UNC80: variants seen among roughly 807,000 people sequenced by gnomAD.
UNC80 encodes the protein protein unc-80 homolog.
Under a neutral mutation model 384.6 loss-of-function variants are expected in UNC80, and 164 were observed. That is an observed-to-expected ratio of 0.43 (90% CI 0.38 to 0.49). The LOEUF (loss-of-function observed/expected upper bound fraction) is 0.49. UNC80 is among the 20% of genes least tolerant of loss of function. UNC80 has a pLI of 0.00. For missense variants in UNC80, 3,330 were observed against 4,143.0 expected (o/e 0.80, Z 5.39); for synonymous variants, 1,486 against 1,527.8 (o/e 0.97, Z 0.64).
At chr2:209,784,812 C>T (rs888034562) in intron 4 of UNC80, among the ~76,000 whole-genome samples, 6 of 152,136 alleles carry the variant, frequency 3.9e-5, no homozygotes, top group Non-Finnish European at 8.8e-5. Context: ...AGAATAAATG[C>T]AGAATGAATT....
chr2:209,858,526 A>G (rs552739969), intron 22 of UNC80, among the ~76,000 whole-genome samples: 39 of 152,040 alleles, frequency 2.6e-4, no homozygotes, highest in African/African-American at 8.7e-4. Context: ...TGGCCAACAT[A>G]GCGAAACCCT....
At chr2:209,982,393 C>T in intron 60 of UNC80, 76 bp downstream of exon 60, 1 of 1,418,924 alleles carries the variant, frequency 7.0e-7, no homozygotes, top group South Asian at 1.5e-5. Context: ...TCCTGTTATT[C>T]TACAAAGACA....
intron 56 of UNC80, among the ~76,000 whole-genome samples, chr2:209,973,698 G>C (rs1460526413): frequency 6.6e-6 from 1 of 152,140 alleles, no homozygotes; most frequent in Non-Finnish European, 1.5e-5. Flanking sequence ...ACTCAGTCTA[G>C]TATACAAAGA....
At chr2:209,932,496 G>A (rs937402849) in intron 38 of UNC80, among the ~76,000 whole-genome samples, 10 of 152,136 alleles carry the variant, frequency 6.6e-5, no homozygotes, top group African/African-American at 1.4e-4. Context: ...TGTTTCTTTC[G>A]CTTGCCTGTG....
At chr2:209,875,969 A>G (rs1321615702) in intron 23 of UNC80, among the ~76,000 whole-genome samples, 1 of 152,178 alleles carries the variant, frequency 6.6e-6, no homozygotes, top group Non-Finnish European at 1.5e-5. Flanking sequence ...TAATGCATCC[A>G]TCATCCGAGT....
chr2:209,825,799 C>T, intron 13 of UNC80, 108 bp from the exon 14 acceptor site: 1 of 1,033,996 alleles, frequency 9.7e-7, no homozygotes, highest in East Asian at 3.1e-5. Context: ...TGCAGGTGCT[C>T]CCTGTAAAAC....
intron 29 of UNC80, among the ~76,000 whole-genome samples, chr2:209,909,608 AG>A (rs2088674725): frequency 6.6e-6 from 1 of 152,222 alleles, no homozygotes; most frequent in South Asian, 2.1e-4. Flanking sequence ...TTAATTCCCT[AG>A]GACAGGAATT....
At chr2:209,867,492 T>TA (rs1383117755) in intron 22 of UNC80, among the ~76,000 whole-genome samples, 2 of 152,186 alleles carry the variant, frequency 1.3e-5, no homozygotes, top group African/African-American at 4.8e-5. Context: ...AGCATTCTCG[T>TA]AAAAGACTTT....
At position 209,917,869 on chromosome 2, in the gene UNC80, C is replaced by T. The variant is rs2089685979; in HGVS notation, c.5122C>T (p.Leu1708=). 1 of 1,551,842 alleles carries T rather than the reference C, an allele frequency of 6.4e-7. No homozygotes were observed. Among genetic ancestry groups the T allele is most frequent in the Non-Finnish European group, 8.7e-7 (1 of 1,147,058 alleles). The change falls in exon 32 of 65, where the codon CTG becomes TTG. Residue 1708 remains leucine, a synonymous_variant. Coordinates refer to ENST00000673920, the MANE Select transcript of UNC80 (RefSeq NM_001371986.1). ...EFHHPETVQR[L]NAVLKFHTLW... ...CCACCACCCGGAGACTGTGCAGAGG[C>T]TGAACGCTGTCCTCAAGTTCCACAC...
At chr2:209,914,935 T>C (rs968253903) in intron 31 of UNC80, among the ~76,000 whole-genome samples, 2 of 152,164 alleles carry the variant, frequency 1.3e-5, no homozygotes, top group African/African-American at 4.8e-5. Flanking sequence ...GAGTTCAGCC[T>C]TTTGCTCTTT....
intron 22 of UNC80, among the ~76,000 whole-genome samples, chr2:209,857,688 G>A (rs2083037640): frequency 6.6e-6 from 1 of 152,040 alleles, no homozygotes; most frequent in South Asian, 2.1e-4. Flanking sequence ...TAAGAACTTA[G>A]CTATTAATTT....
chr2:209,972,457 TTAGGAAATAAGAG>T, intron 55 of UNC80, 133 bp downstream of exon 55: 3 of 1,264,526 alleles, frequency 2.4e-6, no homozygotes, highest in Non-Finnish European at 3.2e-6. Flanking sequence ...TAGGGTCATC[TTAGGAAATAAGAG>T]TTTTTCTTTC....
intron 49 of UNC80, 94 bp from the exon 50 acceptor site, chr2:209,959,025 C>T (rs2092506149): frequency 9.8e-7 from 1 of 1,021,120 alleles, no homozygotes; most frequent in Admixed American, 2.0e-5. Flanking sequence ...TGTATAGCTT[C>T]AAGGGCTTTT....
At chr2:209,957,367 T>C (rs2092453602) in intron 48 of UNC80, among the ~76,000 whole-genome samples, 1 of 152,142 alleles carries the variant, frequency 6.6e-6, no homozygotes, top group Non-Finnish European at 1.5e-5. Flanking sequence ...ATTTCATAAA[T>C]GTCTTGTTGG....
At chr2:209,879,504 C>G (rs2085087411) in intron 24 of UNC80, among the ~76,000 whole-genome samples, 1 of 152,102 alleles carries the variant, frequency 6.6e-6, no homozygotes, top group African/African-American at 2.4e-5. Flanking sequence ...CCTGAAAGAG[C>G]CTAGACTAAG....
At position 209,985,505 on chromosome 2, in the gene UNC80, G is replaced by C. The variant is rs570944273; in HGVS notation, c.9314+593G>C. Among the ~76,000 whole-genome samples the C allele has an allele frequency of 2.0e-5, 3 of 152,326 alleles. No homozygotes were observed. The South Asian group carries it at 6.2e-4, about 32-fold the overall frequency. On this transcript the variant is annotated intron_variant, in intron 61 of 64. Coordinates refer to ENST00000673920, the MANE Select transcript of UNC80 (RefSeq NM_001371986.1). ...AAAGAATGTCTGTTCTAGCACAAAG[G>C]TGACTCCAAAACTTGCATGAAATAT... is the stretch of plus-strand genomic sequence containing the variant.
intron 17 of UNC80, 135 bp from the exon 18 acceptor site, chr2:209,834,777 A>G (rs2081230123): frequency 1.5e-6 from 1 of 645,984 alleles, no homozygotes; most frequent in Non-Finnish European, 2.7e-6. Flanking sequence ...TCTAAACAAC[A>G]TAGACTCCTG....
intron 25 of UNC80, among the ~76,000 whole-genome samples, chr2:209,882,060 C>A (rs963657844): frequency 5.3e-5 from 8 of 151,150 alleles, no homozygotes; most frequent in South Asian, 2.1e-4. Flanking sequence ...TCTGCCTTCC[C>A]AGTTCACACC....
In UNC80 at chr2:209,937,525, A is replaced by C; in HGVS notation, c.6364-4A>C. 6.5e-7 allele frequency: 1 copy of C among 1,546,988 alleles called. No homozygotes were observed. Among genetic ancestry groups the C allele is most frequent in the South Asian group, 1.2e-5 (1 of 83,914 alleles). On this transcript the variant is annotated splice_polypyrimidine_tract_variant and splice_region_variant and intron_variant, in intron 41 of 64. Coordinates refer to ENST00000673920, the MANE Select transcript of UNC80 (RefSeq NM_001371986.1). ...TTTTTTGTCTCTTTATGTAATCCACACAGACCTATGTTCGAGATATTTATC... is the reference window on the plus strand; with the variant it reads ...TTTTTTGTCTCTTTATGTAATCCACCCAGACCTATGTTCGAGATATTTATC...
Sources: allele counts gnomAD v4.1 joint callset (sites outside exome capture counted in the v4.1 genomes callset), GRCh38; gene constraint gnomAD v4.1.1; transcripts MANE v1.5; gene names NCBI Gene and HGNC (gene_info 2026-07-23, HGNC 2026-07-21).